The following ZFHX3 variants were observed in gnomAD, a reference collection of about 807,000 sequenced individuals.
The protein encoded by ZFHX3 is zinc finger homeobox protein 3.
Under a neutral mutation model 279.1 loss-of-function variants are expected in ZFHX3, and 42 were observed. The ratio of observed to expected loss-of-function variants is 0.15; its 90% CI spans 0.12 to 0.19. The LOEUF (loss-of-function observed/expected upper bound fraction) is 0.19, where lower values mean the gene tolerates loss of function less well. ZFHX3 is among the 10% of genes least tolerant of loss of function. The pLI is 1.00. For missense variants in ZFHX3, 4,981 were observed against 4,754.0 expected (o/e 1.05, Z -1.40); for synonymous variants, 2,293 against 1,957.8 (o/e 1.17, Z -4.52).
At chr16:73,337,895 G>GGGGA (rs1555510895) in intron 3 of ZFHX3, among the ~76,000 whole-genome samples, 1 of 144,932 alleles carries the variant, frequency 6.9e-6, no homozygotes, top group Non-Finnish European at 1.5e-5. Context: ...CCCTTGGCGG[G>GGGGA]GGGGGGGGTC....
chr16:73,553,811 C>T (rs963273737), intron 2 of ZFHX3, among the ~76,000 whole-genome samples: 2 of 152,122 alleles, frequency 1.3e-5, no homozygotes, highest in Non-Finnish European at 2.9e-5. Flanking sequence ...CTTCTAGGTG[C>T]CAGGCCTAGG....
chr16:73,470,174 A>G (rs151253371), intron 2 of ZFHX3, among the ~76,000 whole-genome samples: 27 of 152,174 alleles, frequency 1.8e-4, no homozygotes, highest in African/African-American at 5.5e-4. Context: ...TTGGGAACAC[A>G]CTCTGAGTAG....
intron 1 of ZFHX3, among the ~76,000 whole-genome samples, chr16:73,867,543 G>T (rs911525496): frequency 6.6e-6 from 1 of 152,176 alleles, no homozygotes; most frequent in African/African-American, 2.4e-5. Flanking sequence ...TAGGCTTAGT[G>T]CTTCTTAGTT....
intron 5 of ZFHX3, among the ~76,000 whole-genome samples, chr16:73,213,689 T>C (rs1451070842): frequency 6.6e-6 from 1 of 152,208 alleles, no homozygotes; most frequent in African/African-American, 2.4e-5. Context: ...ACACGGGTGA[T>C]GCTTTTGTGA....
chr16:73,239,258 C>A (rs1014895188), intron 5 of ZFHX3, among the ~76,000 whole-genome samples: 3 of 152,150 alleles, frequency 2.0e-5, no homozygotes, highest in Non-Finnish European at 4.4e-5. Context: ...TCCTATTGGG[C>A]AATTCTCACC....
chr16:73,863,901 T>A (rs1961945972), intron 1 of ZFHX3, among the ~76,000 whole-genome samples: 1 of 152,242 alleles, frequency 6.6e-6, no homozygotes, highest in Admixed American at 6.5e-5. Context: ...ATGCATATAG[T>A]CAAATTTTTC....
At chr16:72,990,765 G>C (rs746984047) in intron 1 of ZFHX3, among the ~76,000 whole-genome samples, 3 of 152,104 alleles carry the variant, frequency 2.0e-5, no homozygotes, top group Non-Finnish European at 4.4e-5. Flanking sequence ...TGGATCACTC[G>C]AGGCCAGGAC....
intron 1 of ZFHX3, among the ~76,000 whole-genome samples, chr16:72,969,710 A>G (rs1000624119): frequency 1.3e-5 from 2 of 152,218 alleles, no homozygotes; most frequent in Non-Finnish European, 2.9e-5. Flanking sequence ...TCAAAGAAAT[A>G]ATACCTGCAT....
intron 3 of ZFHX3, among the ~76,000 whole-genome samples, chr16:72,916,843 G>A (rs760841945): frequency 6.6e-6 from 1 of 152,138 alleles, no homozygotes; most frequent in Non-Finnish European, 1.5e-5. Flanking sequence ...ATAAACTCCA[G>A]ATGGATAACA....
chr16:72,997,470 A>C (rs1333344277), intron 1 of ZFHX3, among the ~76,000 whole-genome samples: 2 of 152,142 alleles, frequency 1.3e-5, no homozygotes, highest in Non-Finnish European at 2.9e-5. Flanking sequence ...TGCCTCACCA[A>C]GGAGGCAGCG....
At chr16:72,920,181 T>C (rs1313009247) in intron 3 of ZFHX3, among the ~76,000 whole-genome samples, 3 of 151,888 alleles carry the variant, frequency 2.0e-5, no homozygotes, top group Non-Finnish European at 2.9e-5. Flanking sequence ...ATTTGCCAAC[T>C]TAAAAAAAAA....
chr16:73,053,417 A>C (rs1390866855), intron 1 of ZFHX3, among the ~76,000 whole-genome samples: 1 of 152,088 alleles, frequency 6.6e-6, no homozygotes. Context: ...AGGTCCACTA[A>C]TGCCAGCTTC....
intron 3 of ZFHX3, among the ~76,000 whole-genome samples, chr16:73,357,490 G>A (rs1018087035): frequency 2.0e-5 from 3 of 152,054 alleles, no homozygotes; most frequent in African/African-American, 7.3e-5. Flanking sequence ...TTGAGAGAGA[G>A]GACAGAGACA....
chr16:73,195,682 G>A (rs893253499), intron 5 of ZFHX3, among the ~76,000 whole-genome samples: 1 of 152,134 alleles, frequency 6.6e-6, no homozygotes, highest in Non-Finnish European at 1.5e-5. Flanking sequence ...CTTTCAAAGT[G>A]CTGGGATTAC....
chr16:73,246,342 G>A (rs191031753), intron 5 of ZFHX3, among the ~76,000 whole-genome samples: 30 of 152,280 alleles, frequency 2.0e-4, no homozygotes, highest in East Asian at 1.4e-3. Context: ...CCAATGAAAC[G>A]CACATAAGTC....
intron 8 of ZFHX3, among the ~76,000 whole-genome samples, chr16:73,080,198 A>C (rs1216106336): frequency 1.3e-5 from 2 of 152,192 alleles, no homozygotes; most frequent in Admixed American, 1.3e-4. Context: ...TCTCCTCATT[A>C]CACTTTTGCC....
At chr16:72,931,773 G>A (rs374527100) in intron 3 of ZFHX3, among the ~76,000 whole-genome samples, 1 of 152,110 alleles carries the variant, frequency 6.6e-6, no homozygotes, top group Admixed American at 6.5e-5. Flanking sequence ...TAAGTCATCC[G>A]AGCCACGGAC....
chr16:73,866,470 C>T (rs972247028), intron 1 of ZFHX3, among the ~76,000 whole-genome samples: 2 of 151,950 alleles, frequency 1.3e-5, no homozygotes, highest in Non-Finnish European at 2.9e-5. Context: ...GAAGAACACA[C>T]TTTTCTCCAA....
chr16:73,594,899 G>C (rs566417577), intron 2 of ZFHX3, among the ~76,000 whole-genome samples: 1 of 152,212 alleles, frequency 6.6e-6, no homozygotes, highest in Non-Finnish European at 1.5e-5. Context: ...CTGAGTACAG[G>C]GTCCAATTTC....
Sources: gnomAD v4.1 joint callset for allele counts (sites outside exome capture counted in the v4.1 genomes callset) on GRCh38, gnomAD v4.1.1 for gene constraint, MANE v1.5 for transcripts, NCBI Gene and HGNC (gene_info 2026-07-23, HGNC 2026-07-21) for gene names.